The following GON4L variants were observed in gnomAD, a reference collection of about 807,000 sequenced individuals.
GON4L encodes the protein gon-4 like, also known as GON-4-like protein.
In GON4L, 87 loss-of-function variants were observed where a neutral mutation model predicts 211.8. The observed-to-expected ratio is 0.41, with a 90% CI of 0.35 to 0.49. The LOEUF is 0.49. Among genes scored for constraint, GON4L ranks in the 20% least tolerant of loss-of-function variants. The pLI is 0.15. For synonymous variants in GON4L, 875 were observed against 962.6 expected (o/e 0.91, Z 1.68); for missense variants, 2,155 against 2,659.5 (o/e 0.81, Z 4.17).
chr1:155,854,572 G>A (rs899848462), intron 1 of GON4L, among the ~76,000 whole-genome samples: 7 of 152,176 alleles, frequency 4.6e-5, no homozygotes, highest in African/African-American at 1.7e-4. Context: ...TGACCTTGTG[G>A]AAGTTACTCA....
At position 155,826,786 on chromosome 1, in the gene GON4L, T is replaced by C. The variant is rs1160239636; in HGVS notation, c.697+51A>G. Reference sequence around the variant, plus strand: ...AGGACATGTGCAGTTTTCTACATATTATACTTCAATAAAGAGGTTTCATTT... The same window carrying C: ...AGGACATGTGCAGTTTTCTACATATCATACTTCAATAAAGAGGTTTCATTT... On this transcript the variant is annotated intron_variant, in intron 3 of 31. Transcript: ENST00000368331. 4.9e-6 allele frequency: 6 copies of C among 1,219,916 alleles called. 1 individual carries two copies. Among genetic ancestry groups the C allele is most frequent in the Admixed American group, 3.4e-5 (2 of 58,780 alleles). The allele number at this position is 1,219,916 out of a possible 1,614,324, so 75.6% of individuals were successfully genotyped here. A position where few individuals can be genotyped will look rare whatever the true frequency, so the allele number is the denominator to read the frequency against.
chr1:155,830,110 C>G (rs1233227718), intron 2 of GON4L, among the ~76,000 whole-genome samples: 2 of 151,798 alleles, frequency 1.3e-5, no homozygotes, highest in Admixed American at 6.6e-5. Context: ...GTCACCACGC[C>G]CAGCTAATTT....
upstream of GON4L, among the ~76,000 whole-genome samples, chr1:155,858,802 G>A (rs530175412): frequency 1.3e-5 from 2 of 150,214 alleles, no homozygotes; most frequent in Admixed American, 6.7e-5. Flanking sequence ...CACCTCCTGG[G>A]CTCAAGCGAT....
At chr1:155,774,161 G>T (rs113176887) in intron 17 of GON4L, among the ~76,000 whole-genome samples, 20 of 152,120 alleles carry the variant, frequency 1.3e-4, no homozygotes, top group African/African-American at 4.8e-4. Flanking sequence ...CTAATGCAAG[G>T]TAGAATCTAA....
intron 12 of GON4L, among the ~76,000 whole-genome samples, chr1:155,789,759 A>G (rs927618309): frequency 4.6e-5 from 7 of 152,000 alleles, no homozygotes; most frequent in Non-Finnish European, 8.8e-5. Flanking sequence ...TGGTTCCAGG[A>G]GCCAATCTCC....
downstream of GON4L, chr1:155,748,604 AGTG>A (rs1660348260): frequency 4.3e-6 from 7 of 1,613,136 alleles, no homozygotes; most frequent in Admixed American, 5.0e-5. Flanking sequence ...CTTCTCTTTA[AGTG>A]GTGACAGCAG....
At chr1:155,832,168 G>C in intron 2 of GON4L, among the ~76,000 whole-genome samples, 1 of 148,264 alleles carries the variant, frequency 6.7e-6, no homozygotes, top group African/African-American at 2.5e-5. Flanking sequence ...CCAGCTACTC[G>C]GGAGGCTGAG....
At chr1:155,834,477 C>T (rs1305693194) in intron 2 of GON4L, among the ~76,000 whole-genome samples, 1 of 152,104 alleles carries the variant, frequency 6.6e-6, no homozygotes, top group African/African-American at 2.4e-5. Context: ...ACTTCAATCT[C>T]AGATTTCTAT....
At chr1:155,804,538 A>G (rs957212334) in intron 11 of GON4L, among the ~76,000 whole-genome samples, 1 of 151,898 alleles carries the variant, frequency 6.6e-6, no homozygotes, top group Non-Finnish European at 1.5e-5. Context: ...TAATTCTAGC[A>G]TTCAGGAGGC....
chr1:155,778,200 C>T (rs1451952433), intron 14 of GON4L, among the ~76,000 whole-genome samples: 1 of 152,024 alleles, frequency 6.6e-6, no homozygotes, highest in African/African-American at 2.4e-5. Context: ...CCAGGTTCAG[C>T]TTGTCCCATT....
chr1:155,779,264 A>AAAAAAAAAAAG (rs1557854112), intron 14 of GON4L, among the ~76,000 whole-genome samples: 2 of 143,830 alleles, frequency 1.4e-5, no homozygotes, highest in African/African-American at 2.6e-5. Flanking sequence ...AAAAAAAAAA[A>AAAAAAAAAAAG]AAAAAAAAAA....
chr1:155,760,355 A>T, intron 24 of GON4L, 89 bp downstream of exon 24: 1 of 774,760 alleles, frequency 1.3e-6, no homozygotes, highest in Non-Finnish European at 2.1e-6. Flanking sequence ...AGGAGCTGGG[A>T]GACTGAAAGA....
intron 21 of GON4L, chr1:155,764,645 C>T (rs4503335): frequency 2.6e-5 from 14 of 541,714 alleles, no homozygotes; most frequent in Non-Finnish European, 4.0e-5. Flanking sequence ...TTTACCACGT[C>T]GGCCAGGCCA....
intron 2 of GON4L, among the ~76,000 whole-genome samples, chr1:155,839,047 A>G (rs1417247161): frequency 6.6e-6 from 1 of 152,072 alleles, no homozygotes; most frequent in Admixed American, 6.6e-5. Context: ...GTTTATATAA[A>G]ACTTACCAAA....
In GON4L at chr1:155,774,456, G is replaced by A. The variant is rs532806673; in HGVS notation, c.2350+546C>T. ...CCCGAGTAGCTGGGACTACAGGCGC[G>A]TGCCCCCATGCCTGGCTAATTTCTG... On this transcript the variant is annotated intron_variant, in intron 17 of 31. Coordinates refer to ENST00000368331, the MANE Select transcript of GON4L (RefSeq NM_001282860.2). Among the ~76,000 whole-genome samples the A allele has an allele frequency of 3.3e-5, 5 of 151,948 alleles. No individual in the cohort carries two copies. In the South Asian group the frequency reaches 6.2e-4, roughly 19 times the overall value.
chr1:155,842,689 T>C (rs1670885953), intron 2 of GON4L, among the ~76,000 whole-genome samples: 1 of 151,556 alleles, frequency 6.6e-6, no homozygotes, highest in Admixed American at 6.6e-5. Context: ...ACAAAAAATT[T>C]AGCTGGGCAT....
chr1:155,765,867 AGAG>A lies in GON4L; in HGVS notation c.3603_3605del (p.Ser1202del). 6.2e-7 allele frequency: 1 copy of A among 1,614,214 alleles called. No individual in the cohort carries two copies. The highest frequency in any genetic ancestry group is 2.2e-5 in the East Asian group (1 of 44,884). On this transcript the variant is annotated inframe_deletion, in exon 21 of 32. Transcript: ENST00000368331. ...TGCCAGAAACAATTAAGGGTGAGACAGAGGAGGCCACAAGGGACTGGTTCAATG... is the reference window on the plus strand; with the variant it reads ...TGCCAGAAACAATTAAGGGTGAGACAGAGGCCACAAGGGACTGGTTCAATG...
chr1:155,821,368 C>T (rs1190348949), intron 5 of GON4L, 106 bp downstream of exon 5: 1 of 722,054 alleles, frequency 1.4e-6, no homozygotes, highest in Non-Finnish European at 2.6e-6. Flanking sequence ...TAACTTTAAC[C>T]CCAGCTGCCA....
At chr1:155,777,389 G>C (rs1482382220) in intron 15 of GON4L, among the ~76,000 whole-genome samples, 3 of 152,126 alleles carry the variant, frequency 2.0e-5, no homozygotes, top group Admixed American at 6.6e-5. Flanking sequence ...GACCAGCCTG[G>C]CCAATATGGT....
Sources: gnomAD v4.1 joint callset for allele counts (sites outside exome capture counted in the v4.1 genomes callset) on GRCh38, gnomAD v4.1.1 for gene constraint, MANE v1.5 for transcripts, NCBI Gene and HGNC (gene_info 2026-07-23, HGNC 2026-07-21) for gene names.